The following MKLN1 variants were observed in gnomAD, a reference collection of about 807,000 sequenced individuals.
MKLN1 encodes the protein muskelin 1, also known as muskelin.
Under a neutral mutation model 99.0 loss-of-function variants are expected in MKLN1, and 18 were observed. The ratio of observed to expected loss-of-function variants is 0.18; its 90% CI spans 0.13 to 0.27. The LOEUF is 0.27. MKLN1 is among the 10% of genes least tolerant of loss of function. The pLI, the probability that MKLN1 is intolerant of heterozygous loss-of-function variation, is 1.00. For synonymous variants in MKLN1, 288 were observed against 293.2 expected, an observed-to-expected ratio of 0.98 and a Z score of 0.18; for missense variants, 621 against 875.9, an observed-to-expected ratio of 0.71 and a Z score of 3.67.
chr7:131,387,848 G>T (rs1465873288), intron 3 of MKLN1, among the ~76,000 whole-genome samples: 2 of 152,114 alleles, frequency 1.3e-5, no homozygotes, highest in African/African-American at 4.8e-5. Context: ...TAATGGAATG[G>T]ACAAATGAAA....
chr7:131,339,607 G>A (rs1799347253), intron 1 of MKLN1, among the ~76,000 whole-genome samples: 1 of 151,896 alleles, frequency 6.6e-6, no homozygotes, highest in Admixed American at 6.6e-5. Context: ...GCTGAGGCAC[G>A]AGAATTGCTT....
intron 17 of MKLN1, among the ~76,000 whole-genome samples, chr7:131,485,970 G>T (rs1210780190): frequency 1.3e-5 from 2 of 151,978 alleles, no homozygotes; most frequent in Non-Finnish European, 2.9e-5. Flanking sequence ...ATATATATTG[G>T]TTATGTAAGT....
At chr7:131,239,434 C>T (rs1163421573) in intron 3 of MKLN1, among the ~76,000 whole-genome samples, 1 of 152,002 alleles carries the variant, frequency 6.6e-6, no homozygotes, top group Admixed American at 6.6e-5. Context: ...ATCCTTCCAC[C>T]TCAGCCTCCC....
chr7:131,168,574 ACC>A (rs1448272039), intron 2 of MKLN1, among the ~76,000 whole-genome samples: 1 of 151,976 alleles, frequency 6.6e-6, no homozygotes, highest in Non-Finnish European at 1.5e-5. Flanking sequence ...GCTTACCACC[ACC>A]TGACATATTA....
At chr7:131,341,666 G>T (rs1048885182) in intron 1 of MKLN1, among the ~76,000 whole-genome samples, 1 of 152,198 alleles carries the variant, frequency 6.6e-6, no homozygotes, top group Non-Finnish European at 1.5e-5. Context: ...GATGGGGGAG[G>T]ATGGTTTCAG....
chr7:131,152,655 A>G (rs1473806863), intron 2 of MKLN1, among the ~76,000 whole-genome samples: 2 of 151,782 alleles, frequency 1.3e-5, no homozygotes, highest in Non-Finnish European at 2.9e-5. Flanking sequence ...ACGCTCCACC[A>G]TGCTCGGCTA....
intron 3 of MKLN1, among the ~76,000 whole-genome samples, chr7:131,248,299 T>C (rs1447842815): frequency 6.6e-6 from 1 of 152,110 alleles, no homozygotes. Context: ...TGTTTTTTAA[T>C]AGAGTCAAAG....
At chr7:131,346,272 C>T (rs1035890190) in intron 1 of MKLN1, among the ~76,000 whole-genome samples, 1 of 152,128 alleles carries the variant, frequency 6.6e-6, no homozygotes, top group African/African-American at 2.4e-5. Context: ...CCTGTAATCC[C>T]AGCACTTTGG....
chr7:131,129,157 A>T (rs7811460), intron 1 of MKLN1, among the ~76,000 whole-genome samples: 45,531 of 152,022 alleles, frequency 0.3, 7,197 homozygotes, highest in East Asian at 0.59. Context: ...TGCAAATCAA[A>T]GTAAAACCCA....
At chr7:131,135,056 C>T (rs1795627525) in intron 1 of MKLN1, among the ~76,000 whole-genome samples, 1 of 152,232 alleles carries the variant, frequency 6.6e-6, no homozygotes, top group Non-Finnish European at 1.5e-5. Flanking sequence ...AAAAAAGCCA[C>T]TCTTCTCTCC....
At chr7:131,485,143 G>A (rs1797237618) in intron 17 of MKLN1, among the ~76,000 whole-genome samples, 2 of 151,946 alleles carry the variant, frequency 1.3e-5, no homozygotes, top group Admixed American at 1.3e-4. Context: ...AGAAAGTAAG[G>A]AAGTACCCCA....
At chr7:131,356,317 CT>C (rs1799878246) in intron 1 of MKLN1, among the ~76,000 whole-genome samples, 1 of 152,064 alleles carries the variant, frequency 6.6e-6, no homozygotes, top group Admixed American at 6.6e-5. Flanking sequence ...CCAGTTATTA[CT>C]TTAGAGAAAC....
At chr7:131,336,066 T>C (rs1353387780) in intron 1 of MKLN1, among the ~76,000 whole-genome samples, 2 of 151,936 alleles carry the variant, frequency 1.3e-5, no homozygotes, top group African/African-American at 4.8e-5. Flanking sequence ...CTTACTGTGA[T>C]TGTGGATTTG....
chr7:131,135,892 C>T (rs1381242337), intron 1 of MKLN1, among the ~76,000 whole-genome samples: 1 of 152,010 alleles, frequency 6.6e-6, no homozygotes, highest in Non-Finnish European at 1.5e-5. Flanking sequence ...GATCATGAAC[C>T]AAAATAGATA....
chr7:131,247,872 T>TTTTGTTTTGTTTTG (rs1797516059), intron 3 of MKLN1, among the ~76,000 whole-genome samples: 2 of 151,534 alleles, frequency 1.3e-5, no homozygotes, highest in African/African-American at 4.9e-5. Context: ...GCTACTGCCT[T>TTTTGTTTTGTTTTG]TTTTGTTTTG....
intron 2 of MKLN1, among the ~76,000 whole-genome samples, chr7:131,182,513 C>T (rs1374234225): frequency 6.6e-6 from 1 of 152,190 alleles, no homozygotes; most frequent in East Asian, 1.9e-4. Flanking sequence ...TGAGAAGAAA[C>T]CCTAAGACCA....
At chr7:131,383,289 GAA>G (rs1472158968) in intron 2 of MKLN1, among the ~76,000 whole-genome samples, 1 of 152,150 alleles carries the variant, frequency 6.6e-6, no homozygotes, top group Non-Finnish European at 1.5e-5. Flanking sequence ...TTGACCAACA[GAA>G]AAGTCTAAGA....
At chr7:131,271,987 A>G (rs771364794) in intron 3 of MKLN1, among the ~76,000 whole-genome samples, 17 of 152,098 alleles carry the variant, frequency 1.1e-4, no homozygotes, top group Non-Finnish European at 2.1e-4. Flanking sequence ...ACAACTTCCA[A>G]TTCCCCGTAC....
At chr7:131,416,045 T>C (rs193031771) in intron 8 of MKLN1, among the ~76,000 whole-genome samples, 1 of 152,216 alleles carries the variant, frequency 6.6e-6, no homozygotes, top group Non-Finnish European at 1.5e-5. Context: ...GTCCGCCTGC[T>C]GCAACCTCGC....
Sources: gnomAD v4.1 joint callset for allele counts (sites outside exome capture counted in the v4.1 genomes callset) on GRCh38, gnomAD v4.1.1 for gene constraint, MANE v1.5 for transcripts, NCBI Gene and HGNC (gene_info 2026-07-23, HGNC 2026-07-21) for gene names.